The following IL1RAPL2 variants were observed in gnomAD, a reference collection of about 807,000 sequenced individuals.
IL1RAPL2 encodes X-linked interleukin-1 receptor accessory protein-like 2.
A neutral mutation model predicts 44.1 loss-of-function variants in IL1RAPL2; 3 were observed. The ratio of observed to expected loss-of-function variants is 0.07; its 90% CI spans 0.03 to 0.18. The LOEUF is 0.18. Among genes scored for constraint, IL1RAPL2 ranks in the 10% least tolerant of loss-of-function variants. IL1RAPL2 has a pLI of 1.00. For missense variants in IL1RAPL2, 391 were observed against 496.4 expected, an observed-to-expected ratio of 0.79 and a Z score of 2.02; for synonymous variants, 181 against 178.8, an observed-to-expected ratio of 1.01 and a Z score of -0.10.
At chrX:105,330,579 TA>T (rs1009801417) in intron 5 of IL1RAPL2, among the ~76,000 whole-genome samples, 5 of 111,500 alleles carry the variant, frequency 4.5e-5, no homozygotes, top group African/African-American at 1.3e-4. Flanking sequence ...CCATGTTACC[TA>T]AAAAATATGA....
intron 5 of IL1RAPL2, among the ~76,000 whole-genome samples, chrX:105,447,693 AAT>A (rs1395360432): frequency 1.2e-5 from 1 of 83,712 alleles, no homozygotes; most frequent in Non-Finnish European, 2.1e-5. Flanking sequence ...TAAAAATATA[AAT>A]ATATATAAAT....
intron 2 of IL1RAPL2, among the ~76,000 whole-genome samples, chrX:104,921,490 G>A (rs1924639236): frequency 8.9e-6 from 1 of 112,390 alleles, no homozygotes; most frequent in Non-Finnish European, 1.9e-5. Context: ...TAGGTGGTTT[G>A]TTGATGGCCT....
Position 104,698,963 on chromosome X carries a change from C to T in IL1RAPL2, c.82+39968C>T, listed in dbSNP as rs773491615. 1.3e-4 allele frequency among the ~76,000 whole-genome samples: 14 copies of T among 110,963 alleles called. No individual in the cohort carries two copies. The South Asian group carries it at 4.6e-3, about 37-fold the overall frequency. On this transcript the variant is annotated intron_variant, in intron 2 of 10. Transcript: ENST00000372582. ...TCTCTCTTATTCTCACTCTGTAGTC[C>T]CTCTCCCTCCTCATCCCCTTCCCTG...
At chrX:105,086,706 G>A (rs56143762) in intron 2 of IL1RAPL2, among the ~76,000 whole-genome samples, 6 of 21,532 alleles carry the variant, frequency 2.8e-4, no homozygotes, top group East Asian at 2.2e-3. Flanking sequence ...GTATATATAT[G>A]TGTGTGTGTG....
At chrX:105,440,807 G>T (rs1444761745) in intron 5 of IL1RAPL2, among the ~76,000 whole-genome samples, 1 of 111,803 alleles carries the variant, frequency 8.9e-6, no homozygotes, top group African/African-American at 3.3e-5. Flanking sequence ...GTGGGGCCAG[G>T]TGGAGATAAT....
chrX:105,665,916 C>A (rs967919856), intron 6 of IL1RAPL2, among the ~76,000 whole-genome samples: 1 of 107,001 alleles, frequency 9.3e-6, no homozygotes, highest in Non-Finnish European at 1.9e-5. Flanking sequence ...GCGCCCGCCA[C>A]CACGCCCGGC....
At chrX:105,755,840 T>C (rs2038633921) in intron 10 of IL1RAPL2, among the ~76,000 whole-genome samples, 1 of 112,018 alleles carries the variant, frequency 8.9e-6, no homozygotes. Flanking sequence ...GGTACAGCAC[T>C]CTCACTGTGT....
intron 1 of IL1RAPL2, among the ~76,000 whole-genome samples, chrX:104,583,842 A>G (rs1928458947): frequency 8.9e-6 from 1 of 111,950 alleles, no homozygotes; most frequent in South Asian, 3.7e-4. Flanking sequence ...AAAACTAGAC[A>G]ATAGGTATAG....
chrX:105,053,966 C>T (rs1441267940), intron 2 of IL1RAPL2, among the ~76,000 whole-genome samples: 2 of 111,285 alleles, frequency 1.8e-5, no homozygotes, highest in Non-Finnish European at 3.8e-5. Flanking sequence ...TATTACTGTA[C>T]TCCAGCCTGG....
At chrX:105,025,950 A>C (rs1315652229) in intron 2 of IL1RAPL2, among the ~76,000 whole-genome samples, 7 of 111,328 alleles carry the variant, frequency 6.3e-5, no homozygotes, top group Non-Finnish European at 7.6e-5. Context: ...AGAGGTTGAA[A>C]TAAATGGGAA....
At chrX:104,676,851 T>A (rs943353957) in intron 2 of IL1RAPL2, among the ~76,000 whole-genome samples, 1 of 112,051 alleles carries the variant, frequency 8.9e-6, no homozygotes, top group Non-Finnish European at 1.9e-5. Context: ...TCATTCATTT[T>A]ATCTTCCATC....
intron 1 of IL1RAPL2, among the ~76,000 whole-genome samples, chrX:104,635,229 C>T (rs1929766478): frequency 1.8e-5 from 2 of 111,916 alleles, no homozygotes; most frequent in South Asian, 7.6e-4. Flanking sequence ...GTCTGATGGG[C>T]TTCCCTTTGT....
chrX:105,396,505 AATCTTTTCCTCT>A (rs1457223794), intron 5 of IL1RAPL2, among the ~76,000 whole-genome samples: 3 of 100,782 alleles, frequency 3.0e-5, no homozygotes, highest in African/African-American at 1.1e-4. Context: ...GTAAAAGACA[AATCTTTTCCTCT>A]ATGTCTTTTA....
At chrX:105,489,073 T>C (rs976476132) in intron 6 of IL1RAPL2, among the ~76,000 whole-genome samples, 1 of 111,987 alleles carries the variant, frequency 8.9e-6, no homozygotes, top group African/African-American at 3.2e-5. Flanking sequence ...TTTGAGATGA[T>C]AAACACATTC....
intron 5 of IL1RAPL2, among the ~76,000 whole-genome samples, chrX:105,319,850 A>G (rs2034883640): frequency 8.9e-6 from 1 of 112,107 alleles, no homozygotes; most frequent in Admixed American, 9.5e-5. Context: ...AAGAACCCTT[A>G]GCTGGCAGTT....
chrX:104,772,093 G>C (rs753533327), intron 2 of IL1RAPL2, among the ~76,000 whole-genome samples: 3 of 110,889 alleles, frequency 2.7e-5, no homozygotes, highest in African/African-American at 9.8e-5. Flanking sequence ...TAATATAAGA[G>C]GGATGGGCTA....
At chrX:104,603,680 C>T (rs1225353715) in intron 1 of IL1RAPL2, among the ~76,000 whole-genome samples, 1 of 111,253 alleles carries the variant, frequency 9.0e-6, no homozygotes, top group Non-Finnish European at 1.9e-5. Flanking sequence ...ATAGCTGATT[C>T]GATCAAGCGG....
chrX:104,771,375 C>G (rs1196772756), intron 2 of IL1RAPL2, among the ~76,000 whole-genome samples: 5 of 112,224 alleles, frequency 4.5e-5, no homozygotes, highest in African/African-American at 1.6e-4. Context: ...TTGATTTACT[C>G]TTCGTCAGCC....
intron 6 of IL1RAPL2, among the ~76,000 whole-genome samples, chrX:105,706,606 G>C (rs2038167494): frequency 9.0e-6 from 1 of 111,202 alleles, no homozygotes; most frequent in African/African-American, 3.3e-5. Flanking sequence ...GAGGAGTAAT[G>C]TAAAGACCCA....
Sources: allele counts gnomAD v4.1 joint callset (sites outside exome capture counted in the v4.1 genomes callset), GRCh38; gene constraint gnomAD v4.1.1; transcripts MANE v1.5; gene names NCBI Gene and HGNC (gene_info 2026-07-23, HGNC 2026-07-21).